HBP1: variants seen among roughly 807,000 people sequenced by gnomAD.
HBP1 encodes the protein HMG box-containing protein 1.
Under a neutral mutation model 62.6 loss-of-function variants are expected in HBP1, and 20 were observed. That is an observed-to-expected ratio of 0.32 (90% CI 0.22 to 0.46). The LOEUF (loss-of-function observed/expected upper bound fraction) is 0.46, where lower values mean the gene tolerates loss of function less well. Ranked by LOEUF, HBP1 falls within the 20% of genes least tolerant of loss-of-function variation. HBP1 has a pLI of 1.00. For missense variants in HBP1, 480 were observed against 611.8 expected (o/e 0.78, Z 2.27); for synonymous variants, 232 against 206.2 (o/e 1.12, Z -1.07).
intron 1 of HBP1, chr7:107,170,151 T>G: frequency 1.0e-6 from 1 of 984,864 alleles, no homozygotes; most frequent in East Asian, 1.1e-4. Flanking sequence ...AGTTTTCTGT[T>G]TGTTTTGTTT....
chr7:107,192,405 CTA>C (rs1290385685), intron 8 of HBP1, among the ~76,000 whole-genome samples: 1 of 151,862 alleles, frequency 6.6e-6, no homozygotes, highest in Non-Finnish European at 1.5e-5. Context: ...ATTAATAAAA[CTA>C]ATGCTACTGT....
Position 107,169,791 on chromosome 7 carries a change from C to T in HBP1, c.-16+606C>T, listed in dbSNP as rs1421698447. On this transcript the variant is annotated intron_variant, in intron 1 of 10. Transcript: ENST00000222574. ...CGAGGGGAAAAACAAGCCCGGAGTCCGGGCTGCGGTCACATGATGGGGGGA... is the reference window on the plus strand; with the variant it reads ...CGAGGGGAAAAACAAGCCCGGAGTCTGGGCTGCGGTCACATGATGGGGGGA... 7.1e-6 allele frequency: 7 copies of T among 981,068 alleles called. No individual in the cohort carries two copies. In the South Asian group the frequency reaches 1.4e-4, roughly 20 times the overall value. The allele number at this position is 981,068 out of a possible 1,614,324, so 60.8% of individuals were successfully genotyped here.
chr7:107,169,899 A>T, intron 1 of HBP1: 1 of 985,524 alleles, frequency 1.0e-6, no homozygotes, highest in Non-Finnish European at 1.2e-6. Context: ...GTGTGACCCA[A>T]AGAGGAGGCT....
At chr7:107,180,919 G>A (rs1349014418) in intron 2 of HBP1, among the ~76,000 whole-genome samples, 5 of 152,272 alleles carry the variant, frequency 3.3e-5, no homozygotes, top group Admixed American at 1.3e-4. Flanking sequence ...ACTTAGGGCC[G>A]AGGGGAGTAT....
At chr7:107,191,571 G>T (rs142663088) in intron 8 of HBP1, among the ~76,000 whole-genome samples, 16 of 152,220 alleles carry the variant, frequency 1.1e-4, no homozygotes, top group African/African-American at 3.9e-4. Flanking sequence ...ACTCATGATA[G>T]CAAAAATGTG....
intron 3 of HBP1, among the ~76,000 whole-genome samples, chr7:107,183,679 T>A (rs866366726): frequency 2.0e-5 from 3 of 152,164 alleles, no homozygotes; most frequent in Admixed American, 1.3e-4. Flanking sequence ...TACTTTTTTT[T>A]CACTTTTTAC....
At chr7:107,193,148 C>T (rs1797735050) in intron 8 of HBP1, 1 of 152,216 alleles carries the variant, frequency 6.6e-6, no homozygotes, top group Non-Finnish European at 1.5e-5. Context: ...CCTTCTAGGC[C>T]TCAGGCGGGT....
chr7:107,201,385 A>G, intron 10 of HBP1, 29 bp from the exon 11 acceptor site: 1 of 1,470,346 alleles, frequency 6.8e-7, no homozygotes. Flanking sequence ...ATTTGTAAAC[A>G]TTCACTGAGT....
At chr7:107,187,858 G>C (rs1204808150) in intron 6 of HBP1, among the ~76,000 whole-genome samples, 1 of 152,148 alleles carries the variant, frequency 6.6e-6, no homozygotes, top group Non-Finnish European at 1.5e-5. Flanking sequence ...TTTTAGGCCT[G>C]GTACTTGACT....
At chr7:107,186,540 C>T (rs756356148) in intron 5 of HBP1, 29 bp from the exon 6 acceptor site, 1 of 1,548,238 alleles carries the variant, frequency 6.5e-7, no homozygotes, top group South Asian at 1.1e-5. Context: ...AGTCACGTGT[C>T]TAATACGTGT....
chr7:107,198,088 A>G (rs1459030691), intron 9 of HBP1, among the ~76,000 whole-genome samples: 1 of 152,096 alleles, frequency 6.6e-6, no homozygotes, highest in Non-Finnish European at 1.5e-5. Context: ...TTTATTTCCA[A>G]TTCTGGGGAA....
intron 8 of HBP1, among the ~76,000 whole-genome samples, chr7:107,195,095 A>G (rs1326135952): frequency 1.3e-5 from 2 of 152,082 alleles, no homozygotes; most frequent in Non-Finnish European, 2.9e-5. Flanking sequence ...GTTGGAGTGC[A>G]GTGCTGTGAT....
At chr7:107,185,699 A>G (rs1411920272) in intron 3 of HBP1, 102 bp from the exon 4 acceptor site, 5 of 831,074 alleles carry the variant, frequency 6.0e-6, no homozygotes, top group Non-Finnish European at 9.6e-6. Flanking sequence ...AAATGTGTTC[A>G]ATGTAATAAC....
rs1238761606 is a variant in HBP1, at chr7:107,170,974, C to CAT, written c.-16+1791_-16+1792dup. Among the ~76,000 whole-genome samples, 582 of 125,872 alleles carry CAT rather than the reference C, an allele frequency of 4.6e-3. 7 individuals are homozygous for CAT. Among genetic ancestry groups the CAT allele is most frequent in the African/African-American group, 0.016 (538 of 34,004 alleles). 82.6% of individuals were successfully genotyped at this position (125,872 alleles called of 152,430 possible). On this transcript the variant is annotated intron_variant, in intron 1 of 10. Transcript: ENST00000222574. ...ACATGTATATATATAAAATATATAA[C>CAT]ATACATGTATATATATAAAATATAT...
rs141348328 is a variant in HBP1 at position 107,179,935 on chromosome 7, A to T, written c.42A>T (p.Val14=). The T allele has an allele frequency of 4.8e-5, 77 of 1,610,678 alleles. No individual in the cohort carries two copies. In the East Asian group the frequency reaches 1.7e-3, roughly 36 times the overall value. Residue 14 remains valine, a synonymous_variant, in exon 2 of 11, where the codon GTA becomes GTT. Coordinates refer to ENST00000222574, the MANE Select transcript of HBP1 (RefSeq NM_012257.4). ...AGACAAATCAGATGCCTAATGCAGT[A>T]CAGAAACTCCTGTTGGTGATGGACA... The part of the protein sequence containing the change: ...EVKTNQMPNA[V]QKLLLVMDKR...
In HBP1 at chr7:107,169,033, T is replaced by C. The variant is rs1404797421; in HGVS notation, c.-168T>C. ...TGGTAATGGCGACGGGTTTGGTAAGTAGGAAAGTTTCGGTTGAGGAGTAAG... is the reference window on the plus strand; with the variant it reads ...TGGTAATGGCGACGGGTTTGGTAAGCAGGAAAGTTTCGGTTGAGGAGTAAG... On this transcript the variant is annotated 5_prime_UTR_variant, in exon 1 of 11. Transcript: ENST00000222574. The C allele has an allele frequency of 7.8e-7, 1 of 1,288,098 alleles. No individual in the cohort carries two copies. The highest frequency in any genetic ancestry group is 1.5e-5 in the African/African-American group (1 of 65,588). 79.8% of individuals were successfully genotyped at this position (1,288,098 alleles called of 1,614,324 possible).
intron 8 of HBP1, chr7:107,192,631 G>A (rs1221909374): frequency 1.3e-5 from 2 of 151,966 alleles, no homozygotes; most frequent in Non-Finnish European, 2.9e-5. Context: ...TTATTACATA[G>A]CACCAAACTT....
At chr7:107,175,104 A>C (rs1165768149) in intron 1 of HBP1, among the ~76,000 whole-genome samples, 9 of 152,100 alleles carry the variant, frequency 5.9e-5, no homozygotes, top group Admixed American at 5.9e-4. Flanking sequence ...TTAAAATATT[A>C]TAGGTGTTCC....
chr7:107,188,169 C>G (rs192352897), intron 6 of HBP1, among the ~76,000 whole-genome samples: 13 of 152,348 alleles, frequency 8.5e-5, no homozygotes, highest in Admixed American at 8.5e-4. Flanking sequence ...ATTTGCCAAT[C>G]TATGTCTATA....
Sources: gnomAD v4.1 joint callset for allele counts (sites outside exome capture counted in the v4.1 genomes callset) on GRCh38, gnomAD v4.1.1 for gene constraint, MANE v1.5 for transcripts, NCBI Gene and HGNC (gene_info 2026-07-23, HGNC 2026-07-21) for gene names.